Variants in CCL28 observed in about 807,000 individuals in gnomAD.
The protein encoded by CCL28 is C-C motif chemokine 28.
Under a neutral mutation model 7.1 loss-of-function variants are expected in CCL28, and 4 were observed. The observed-to-expected ratio is 0.56, with a 90% confidence interval of 0.28 to 1.29. The LOEUF is 1.29. CCL28 is among the 50% of genes most tolerant of loss of function. CCL28 has a pLI of 0.11. For missense variants in CCL28, 151 were observed against 163.4 expected (o/e 0.92, Z 0.41); for synonymous variants, 55 against 57.8 (o/e 0.95, Z 0.22).
At chr5:43,408,091 A>C (rs1326664806) in intron 1 of CCL28, among the ~76,000 whole-genome samples, 4 of 152,252 alleles carry the variant, frequency 2.6e-5, no homozygotes, top group African/African-American at 9.6e-5. Flanking sequence ...GTGATTTCTC[A>C]AGGATCTAGA....
chr5:43,397,383 CCACTG>C (rs1341981382), intron 1 of CCL28: 1 of 151,664 alleles, frequency 6.6e-6, no homozygotes, highest in Non-Finnish European at 1.5e-5. Context: ...TTAAAATCTC[CCACTG>C]TTATTGGGAT....
the CCL28 span, among the ~76,000 whole-genome samples, chr5:43,366,451 G>A: frequency 1.3e-4 from 20 of 152,142 alleles, no homozygotes; most frequent in South Asian, 1.2e-3. Flanking sequence ...GGAGTTTGCC[G>A]GAGGTCCACT....
At chr5:43,383,515 T>C (rs1740206476) in intron 2 of CCL28, among the ~76,000 whole-genome samples, 2 of 152,142 alleles carry the variant, frequency 1.3e-5, no homozygotes, top group Non-Finnish European at 2.9e-5. Context: ...GGAATATTAA[T>C]TTGAAAGAAG....
intron 2 of CCL28, among the ~76,000 whole-genome samples, chr5:43,383,263 C>T (rs1347052282): frequency 6.6e-6 from 1 of 152,066 alleles, no homozygotes; most frequent in Non-Finnish European, 1.5e-5. Context: ...CAGCTCTTAC[C>T]AAATGTCACA....
At chr5:43,365,305 C>G in the CCL28 span, among the ~76,000 whole-genome samples, 1 of 152,092 alleles carries the variant, frequency 6.6e-6, no homozygotes, top group Non-Finnish European at 1.5e-5. Context: ...GCCCAGTGGT[C>G]TTCACTCTTT....
downstream of CCL28, among the ~76,000 whole-genome samples, chr5:43,375,269 G>A (rs962402013): frequency 2.0e-5 from 3 of 148,700 alleles, no homozygotes; most frequent in Non-Finnish European, 4.4e-5. Flanking sequence ...GATTACAGGC[G>A]TGAGCCACTG....
chr5:43,399,626 T>C (rs1218280232), intron 1 of CCL28, among the ~76,000 whole-genome samples: 1 of 152,172 alleles, frequency 6.6e-6, no homozygotes, highest in Non-Finnish European at 1.5e-5. Flanking sequence ...ATATTTTTGC[T>C]TTTTTTCTAG....
chr5:43,384,452 C>T (rs1740255311), intron 2 of CCL28, among the ~76,000 whole-genome samples: 1 of 152,190 alleles, frequency 6.6e-6, no homozygotes, highest in South Asian at 2.1e-4. Flanking sequence ...TAAATCTCTA[C>T]TTGGATCCCA....
chr5:43,359,235 T>C, the CCL28 span, among the ~76,000 whole-genome samples: 1 of 152,198 alleles, frequency 6.6e-6, no homozygotes, highest in Non-Finnish European at 1.5e-5. Context: ...AGGGGACTCA[T>C]AGCCTTCAGA....
intron 2 of CCL28, among the ~76,000 whole-genome samples, chr5:43,383,360 G>A (rs1349268892): frequency 6.6e-6 from 1 of 152,084 alleles, no homozygotes; most frequent in Non-Finnish European, 1.5e-5. Flanking sequence ...AAACAGAGGT[G>A]GGGTAGAGAA....
intron 1 of CCL28, among the ~76,000 whole-genome samples, chr5:43,403,001 A>T (rs1201424713): frequency 6.6e-6 from 1 of 152,212 alleles, no homozygotes; most frequent in Non-Finnish European, 1.5e-5. Context: ...ATAGGTAAAC[A>T]AAATGGCCAG....
chr5:43,407,413 A>C (rs1741330494), intron 1 of CCL28, among the ~76,000 whole-genome samples: 1 of 152,228 alleles, frequency 6.6e-6, no homozygotes, highest in Admixed American at 6.5e-5. Flanking sequence ...TATTTAATAA[A>C]TGGTGCTGGG....
chr5:43,400,869 T>G (rs1295624103), intron 1 of CCL28, among the ~76,000 whole-genome samples: 1 of 151,912 alleles, frequency 6.6e-6, no homozygotes, highest in African/African-American at 2.4e-5. Flanking sequence ...CAGATCATGG[T>G]GTCAGGAGTT....
the CCL28 span, among the ~76,000 whole-genome samples, chr5:43,357,455 G>A: frequency 2.0e-5 from 3 of 152,194 alleles, no homozygotes; most frequent in Admixed American, 6.5e-5. Flanking sequence ...GGATAGTGAA[G>A]CCAGTCAGAA....
chr5:43,374,821 G>A (rs114133694), downstream of CCL28, among the ~76,000 whole-genome samples: 1,090 of 150,858 alleles, frequency 7.2e-3, 7 homozygotes, highest in Non-Finnish European at 0.01. Context: ...ACAGGGATGC[G>A]TACTAATACT....
chr5:43,401,747 G>T (rs1223177744), intron 1 of CCL28, among the ~76,000 whole-genome samples: 1 of 152,166 alleles, frequency 6.6e-6, no homozygotes, highest in Non-Finnish European at 1.5e-5. Flanking sequence ...TTAAATGTTT[G>T]TGGAATGTGC....
downstream of CCL28, among the ~76,000 whole-genome samples, chr5:43,378,547 G>A (rs1739975873): frequency 6.6e-6 from 1 of 152,126 alleles, no homozygotes; most frequent in Non-Finnish European, 1.5e-5. Flanking sequence ...TCATAATACA[G>A]TAACTCATGA....
At chr5:43,391,935 C>A (rs1740589033) in intron 1 of CCL28, among the ~76,000 whole-genome samples, 1 of 151,848 alleles carries the variant, frequency 6.6e-6, no homozygotes, top group South Asian at 2.1e-4. Flanking sequence ...ACTTTTTAGG[C>A]CTTTTGGTTA....
chr5:43,386,059 A>G (rs1740322599), intron 2 of CCL28, among the ~76,000 whole-genome samples: 1 of 152,184 alleles, frequency 6.6e-6, no homozygotes, highest in Non-Finnish European at 1.5e-5. Context: ...ACAAGCTTCA[A>G]GCTTCAAGTC....
Sources: allele counts gnomAD v4.1 joint callset (sites outside exome capture counted in the v4.1 genomes callset), GRCh38; gene constraint gnomAD v4.1.1; transcripts MANE v1.5; gene names NCBI Gene and HGNC (gene_info 2026-07-23, HGNC 2026-07-21).